The following NCKAP5 variants were observed in gnomAD, a reference collection of about 807,000 sequenced individuals.
NCKAP5 encodes the protein NCK associated protein 5.
Under a neutral mutation model 167.0 loss-of-function variants are expected in NCKAP5, and 92 were observed. The observed-to-expected ratio is 0.55, with a 90% CI of 0.47 to 0.66. The LOEUF (loss-of-function observed/expected upper bound fraction) is 0.66. NCKAP5 is among the 30% of genes least tolerant of loss of function. The pLI is 0.00. For synonymous variants in NCKAP5, 891 were observed against 877.4 expected (o/e 1.02, Z -0.27); for missense variants, 2,378 against 2,315.0 (o/e 1.03, Z -0.56).
chr2:133,361,091 G>C (rs146988142), intron 3 of NCKAP5, among the ~76,000 whole-genome samples: 1 of 151,888 alleles, frequency 6.6e-6, no homozygotes, highest in Admixed American at 6.6e-5. Context: ...CCTACCACAG[G>C]GTTAACCAAA....
intron 19 of NCKAP5, among the ~76,000 whole-genome samples, chr2:132,719,207 C>T (rs1689672068): frequency 6.6e-6 from 1 of 151,974 alleles, no homozygotes; most frequent in Non-Finnish European, 1.5e-5. Context: ...GCTGGAGAAG[C>T]AAGACCGAGG....
At chr2:132,737,758 C>T (rs16840580) in intron 16 of NCKAP5, among the ~76,000 whole-genome samples, 18,092 of 152,196 alleles carry the variant, frequency 0.12, 1,668 homozygotes, top group East Asian at 0.45. Context: ...TTGCAAGAGG[C>T]ACACTGTTAT....
chr2:133,648,588 A>G, the NCKAP5 span, among the ~76,000 whole-genome samples: 2 of 152,126 alleles, frequency 1.3e-5, no homozygotes, highest in Non-Finnish European at 1.5e-5. Context: ...AAAACTACAA[A>G]TCAACAGAAG....
chr2:132,793,044 G>A (rs1052352986), intron 12 of NCKAP5, among the ~76,000 whole-genome samples: 6 of 152,114 alleles, frequency 3.9e-5, no homozygotes, highest in African/African-American at 1.4e-4. Flanking sequence ...CACTCTTGTT[G>A]CCCAGGCTGG....
At chr2:133,645,077 G>T in the NCKAP5 span, among the ~76,000 whole-genome samples, 2 of 152,170 alleles carry the variant, frequency 1.3e-5, no homozygotes, top group African/African-American at 4.8e-5. Flanking sequence ...GGACAAGGCA[G>T]ATGTCAATCA....
the NCKAP5 span, among the ~76,000 whole-genome samples, chr2:133,626,947 C>T: frequency 6.6e-6 from 1 of 151,704 alleles, no homozygotes; most frequent in African/African-American, 2.4e-5. Context: ...AAATAAATTT[C>T]CGGTGAACAA....
chr2:132,989,803 T>C (rs1427171495), intron 7 of NCKAP5, among the ~76,000 whole-genome samples: 1 of 152,178 alleles, frequency 6.6e-6, no homozygotes, highest in African/African-American at 2.4e-5. Context: ...GTTCTACCAC[T>C]TGGCATTTGC....
At position 132,758,293 on chromosome 2, in the gene NCKAP5, G is replaced by T. The variant is rs76661954; in HGVS notation, c.5128+15523C>A. On this transcript the variant is annotated intron_variant, in intron 16 of 19. Transcript: ENST00000409261. ...CTGCGGTTTTTCATTAAGTACCTGTGACTGAGTTCTTACAATAGGGACAGT... is the reference window on the plus strand; with the variant it reads ...CTGCGGTTTTTCATTAAGTACCTGTTACTGAGTTCTTACAATAGGGACAGT... 1.9e-3 allele frequency among the ~76,000 whole-genome samples: 285 copies of T among 152,268 alleles called. 1 individual carries two copies. Among genetic ancestry groups the T allele is most frequent in the Middle Eastern group, 6.8e-3 (2 of 294 alleles).
At chr2:133,247,584 G>C (rs768153666) in intron 4 of NCKAP5, among the ~76,000 whole-genome samples, 17 of 152,150 alleles carry the variant, frequency 1.1e-4, no homozygotes, top group Non-Finnish European at 8.8e-5. Context: ...GCCACACAAA[G>C]TATTTATTGT....
chr2:133,313,291 T>A (rs1007092298), intron 3 of NCKAP5, among the ~76,000 whole-genome samples: 2 of 152,192 alleles, frequency 1.3e-5, no homozygotes, highest in African/African-American at 4.8e-5. Flanking sequence ...CTGTGTAAGT[T>A]TGGCTTTGGT....
rs141302285 is a variant in NCKAP5, at chr2:133,270,711, G to A, written c.143+32326C>T. Among the ~76,000 whole-genome samples, 782 of 152,200 alleles carry A rather than the reference G, an allele frequency of 5.1e-3. 17 individuals are homozygous for A. The South Asian group carries it at 0.06, about 12-fold the overall frequency. On this transcript the variant is annotated intron_variant, in intron 4 of 19. Transcript: ENST00000409261. ...GCTTTCCACAACCAATCAGATGCTT[G>A]CATAGGGTGTAACCTTTGTAACTTC...
chr2:133,621,268 G>T, the NCKAP5 span, among the ~76,000 whole-genome samples: 2 of 151,726 alleles, frequency 1.3e-5, no homozygotes, highest in African/African-American at 2.4e-5. Context: ...AAAGAACAAA[G>T]ATCAGAGCAG....
chr2:132,781,317 A>G, intron 14 of NCKAP5, 88 bp from the exon 15 acceptor site: 1 of 1,294,088 alleles, frequency 7.7e-7, no homozygotes, highest in East Asian at 2.5e-5. Flanking sequence ...TATTTAAAGT[A>G]ACCTCTTTGT....
At chr2:133,466,690 C>A in intron 3 of NCKAP5, among the ~76,000 whole-genome samples, 1 of 152,184 alleles carries the variant, frequency 6.6e-6, no homozygotes, top group East Asian at 1.9e-4. Flanking sequence ...TTTCCTTGAG[C>A]AGTGGTTTGT....
At chr2:132,937,162 C>G (rs281579) in intron 8 of NCKAP5, among the ~76,000 whole-genome samples, 88,591 of 151,990 alleles carry the variant, frequency 0.58, 29,178 homozygotes, top group South Asian at 0.75. Flanking sequence ...CCAGGAACTT[C>G]TGGTTCTTCT....
intron 16 of NCKAP5, among the ~76,000 whole-genome samples, chr2:132,734,860 C>T (rs1485589560): frequency 6.6e-6 from 1 of 151,938 alleles, no homozygotes; most frequent in East Asian, 1.9e-4. Flanking sequence ...ACAAGTAAAC[C>T]CCAAAGTGGG....
Position 133,108,550 on chromosome 2 carries a change from A to AT in NCKAP5, c.341+21427dup, listed in dbSNP as rs1470800473. Among the ~76,000 whole-genome samples, 8 of 152,352 alleles carry AT rather than the reference A, an allele frequency of 5.3e-5. No homozygotes were observed. In the East Asian group the frequency reaches 1.5e-3, roughly 29 times the overall value. ...CCTGTTAGCCTTTCCTTACATAAAA[A>AT]TTCATTTAACATTCAAGGGACATTA... On this transcript the variant is annotated intron_variant, in intron 6 of 19. Coordinates refer to ENST00000409261, the MANE Select transcript of NCKAP5 (RefSeq NM_207363.3).
the NCKAP5 span, among the ~76,000 whole-genome samples, chr2:133,610,411 A>T: frequency 6.6e-6 from 1 of 152,082 alleles, no homozygotes; most frequent in Non-Finnish European, 1.5e-5. Context: ...GCTTGGGGAG[A>T]CAATTTCTCA....
intron 6 of NCKAP5, among the ~76,000 whole-genome samples, chr2:133,052,718 CAAAA>C (rs112451840): frequency 3.7e-5 from 3 of 81,940 alleles, no homozygotes; most frequent in African/African-American, 4.3e-5. Context: ...AACTCTGTCA[CAAAA>C]AAAAAAAAAA....
Sources: gnomAD v4.1 joint callset for allele counts (sites outside exome capture counted in the v4.1 genomes callset) on GRCh38, gnomAD v4.1.1 for gene constraint, MANE v1.5 for transcripts, NCBI Gene and HGNC (gene_info 2026-07-23, HGNC 2026-07-21) for gene names.